Variants in RYR3 observed in about 807,000 individuals in gnomAD.
RYR3 encodes brain ryanodine receptor-calcium release channel.
In RYR3, 207 loss-of-function variants were observed where a neutral mutation model predicts 584.3. The observed-to-expected ratio is 0.35, with a 90% CI of 0.32 to 0.40. The LOEUF is 0.40. Ranked by LOEUF, RYR3 falls within the 10% of genes least tolerant of loss-of-function variation. The probability of loss-of-function intolerance (pLI) is 1.00; values close to 1 mark genes in which losing one functional copy is unlikely to be tolerated. For missense variants in RYR3, 5,616 were observed against 6,089.2 expected (o/e 0.92, Z 2.59); for synonymous variants, 2,416 against 2,248.5 (o/e 1.07, Z -2.11).
intron 23 of RYR3, 123 bp downstream of exon 23, chr15:33,631,416 C>A: frequency 1.7e-6 from 1 of 604,598 alleles, no homozygotes; most frequent in Non-Finnish European, 2.9e-6. Flanking sequence ...CAGAAGGGCT[C>A]CCCTGTTTCC....
chr15:33,617,178 G>C (rs962844759), intron 19 of RYR3, among the ~76,000 whole-genome samples: 2 of 152,160 alleles, frequency 1.3e-5, no homozygotes, highest in Non-Finnish European at 2.9e-5. Flanking sequence ...ACTTTGGGAG[G>C]CTGAGGCGGG....
At chr15:33,628,769 A>G (rs2061126513) in intron 21 of RYR3, among the ~76,000 whole-genome samples, 194 bp downstream of exon 21, 1 of 152,202 alleles carries the variant, frequency 6.6e-6, no homozygotes. Flanking sequence ...TTCGGGATAT[A>G]GCACTGTTTC....
At chr15:33,706,510 T>C (rs998023342) in intron 42 of RYR3, among the ~76,000 whole-genome samples, 1 of 152,242 alleles carries the variant, frequency 6.6e-6, no homozygotes, top group African/African-American at 2.4e-5. Flanking sequence ...GTGACTGGCT[T>C]ATTTCACTTA....
At chr15:33,805,684 A>C (rs1014367771) in intron 69 of RYR3, among the ~76,000 whole-genome samples, 125 of 151,558 alleles carry the variant, frequency 8.2e-4, no homozygotes, top group South Asian at 4.2e-4. Context: ...TCACTGTGTT[A>C]GCCAGGATGG....
chr15:33,616,370 G>A (rs1478063978), intron 19 of RYR3, among the ~76,000 whole-genome samples: 1 of 152,170 alleles, frequency 6.6e-6, no homozygotes. Context: ...TTTTTTAGAG[G>A]GTAGTGGAGG....
At position 33,794,885 on chromosome 15, in the gene RYR3, G is replaced by A. The variant is rs577364119; in HGVS notation, c.9831-5885G>A. Among the ~76,000 whole-genome samples the A allele has an allele frequency of 1.7e-4, 26 of 152,256 alleles. No homozygotes were observed. In the South Asian group the frequency reaches 1.9e-3, roughly 11 times the overall value. ...CCTCCCAGTGGATGGAGAAATACCC[G>A]TTCCTTTTTCCTATCGTGACTTTCT... On this transcript the variant is annotated intron_variant, in intron 67 of 103. Coordinates refer to ENST00000634891, the MANE Select transcript of RYR3 (RefSeq NM_001036.6).
At chr15:33,314,532 C>A (rs185864268) in intron 1 of RYR3, among the ~76,000 whole-genome samples, 5 of 152,158 alleles carry the variant, frequency 3.3e-5, no homozygotes, top group African/African-American at 1.2e-4. Flanking sequence ...AAACACAAAA[C>A]GAAACAAAAC....
At chr15:33,433,265 TA>T (rs2045360348) in intron 1 of RYR3, among the ~76,000 whole-genome samples, 1 of 152,176 alleles carries the variant, frequency 6.6e-6, no homozygotes, top group Non-Finnish European at 1.5e-5. Flanking sequence ...AAGTCATTGT[TA>T]TAGAAGAGTA....
intron 3 of RYR3, among the ~76,000 whole-genome samples, chr15:33,528,147 G>A (rs1272638608): frequency 6.6e-6 from 1 of 151,948 alleles, no homozygotes; most frequent in African/African-American, 2.4e-5. Context: ...CCCTTTCTAA[G>A]GTACAATTTT....
intron 8 of RYR3, among the ~76,000 whole-genome samples, chr15:33,546,059 C>T (rs554110589): frequency 1.3e-5 from 2 of 152,294 alleles, no homozygotes; most frequent in East Asian, 3.9e-4. Context: ...AGCTTGCCGC[C>T]CACTATACTC....
intron 1 of RYR3, among the ~76,000 whole-genome samples, chr15:33,472,668 A>C (rs1429587529): frequency 6.6e-6 from 1 of 152,178 alleles, no homozygotes; most frequent in Non-Finnish European, 1.5e-5. Context: ...TTGTGCAAGA[A>C]AATGTTTTGG....
chr15:33,837,084 G>A (rs987671015), intron 88 of RYR3, 97 bp downstream of exon 88: 2 of 995,360 alleles, frequency 2.0e-6, no homozygotes, highest in Admixed American at 4.2e-5. Flanking sequence ...GCAGGTCACT[G>A]ATGCCATATG....
rs147686651 is a variant in RYR3, at chr15:33,823,374, C to T, written c.11072+302C>T. ...TTGCTTTCCCAGCAGGCTCAGTGTG[C>T]GCATTGAGTTTCTCATCAAACATGT... On this transcript the variant is annotated intron_variant, in intron 81 of 103. Transcript: ENST00000634891. Among the ~76,000 whole-genome samples, 50 of 152,240 alleles carry T rather than the reference C, an allele frequency of 3.3e-4. 2 individuals carry two copies. The South Asian group carries it at 5.8e-3, about 18-fold the overall frequency.
At chr15:33,751,576 GA>G (rs1449011365) in intron 57 of RYR3, among the ~76,000 whole-genome samples, 2 of 82,284 alleles carry the variant, frequency 2.4e-5, no homozygotes, top group Non-Finnish European at 4.9e-5. Context: ...AGTTTTTGAT[GA>G]GGTTTTTTTT....
In RYR3 at chr15:33,765,414, T is replaced by C. The variant is rs191189674; in HGVS notation, c.8706-3244T>C. On this transcript the variant is annotated intron_variant, in intron 60 of 103. Coordinates refer to ENST00000634891, the MANE Select transcript of RYR3 (RefSeq NM_001036.6). ...TTGGGAGGCCAAGGCAGGCGGATCA[T>C]CTGAGGTCAGGAGTTCGAGACCAGC... is the stretch of plus-strand genomic sequence containing the variant. Among the ~76,000 whole-genome samples, 863 of 151,932 alleles carry C rather than the reference T, an allele frequency of 5.7e-3. 12 individuals carry two copies. The highest frequency in any genetic ancestry group is 0.02 in the African/African-American group (833 of 41,464).
At chr15:33,606,964 C>G (rs886600682) in intron 18 of RYR3, among the ~76,000 whole-genome samples, 1 of 152,208 alleles carries the variant, frequency 6.6e-6, no homozygotes, top group African/African-American at 2.4e-5. Context: ...TAATTTACCT[C>G]TGCAGTCAGA....
intron 67 of RYR3, 79 bp from the exon 68 acceptor site, chr15:33,800,691 T>C: frequency 1.0e-6 from 1 of 982,712 alleles, no homozygotes; most frequent in Non-Finnish European, 1.6e-6. Context: ...ATGTCTCCAG[T>C]GCTGGTATAA....
chr15:33,385,482 A>G (rs1340389584), intron 1 of RYR3, among the ~76,000 whole-genome samples: 2 of 152,184 alleles, frequency 1.3e-5, no homozygotes, highest in Non-Finnish European at 2.9e-5. Flanking sequence ...GCTTTTATCT[A>G]TAGAGTTATG....
chr15:33,725,976 CA>C (rs61503360), intron 45 of RYR3, among the ~76,000 whole-genome samples: 4,674 of 31,034 alleles, frequency 0.15, 38 homozygotes, highest in Middle Eastern at 0.19. Context: ...TCCCCCCCCC[CA>C]AAAAAAAAAA....
Sources: allele counts gnomAD v4.1 joint callset (sites outside exome capture counted in the v4.1 genomes callset), GRCh38; gene constraint gnomAD v4.1.1; transcripts MANE v1.5; gene names NCBI Gene and HGNC (gene_info 2026-07-23, HGNC 2026-07-21).